Variants in BIRC3 observed in about 807,000 individuals in gnomAD.
BIRC3 encodes the protein baculoviral IAP repeat-containing protein 3.
Under a neutral mutation model 59.0 loss-of-function variants are expected in BIRC3, and 26 were observed. The observed-to-expected ratio is 0.44, with a 90% CI of 0.32 to 0.61. The LOEUF is 0.61. Ranked by LOEUF, BIRC3 falls within the 20% of genes least tolerant of loss-of-function variation. The probability of loss-of-function intolerance (pLI) is 0.04; values close to 1 mark genes in which losing one functional copy is unlikely to be tolerated. For synonymous variants in BIRC3, 243 were observed against 249.2 expected (o/e 0.98, Z 0.24); for missense variants, 641 against 711.5 (o/e 0.90, Z 1.13).
rs759538124 is a variant in BIRC3 at position 102,337,106 on chromosome 11, A to G, written c.*4A>G. The stretch of plus-strand genomic sequence containing the variant: ...AGTTCGTACATTTCTTTCATGAAGA[A>G]GAACCAAAACATCGTCTAAACTTTA... On this transcript the variant is annotated 3_prime_UTR_variant, in exon 9 of 9. Transcript: ENST00000263464. The G allele has an allele frequency of 3.4e-6, 5 of 1,489,256 alleles. No individual in the cohort carries two copies. Among genetic ancestry groups the G allele is most frequent in the Non-Finnish European group, 4.4e-6 (5 of 1,124,608 alleles). 92.3% of individuals were successfully genotyped at this position (1,489,256 alleles called of 1,614,324 possible).
intron 3 of BIRC3, among the ~76,000 whole-genome samples, chr11:102,327,647 A>T (rs569151156): frequency 6.6e-6 from 1 of 152,252 alleles, no homozygotes; most frequent in African/African-American, 2.4e-5. Flanking sequence ...CTAAAAAAAA[A>T]AAAATTAGCA....
Position 102,324,484 on chromosome 11 carries a change from C to T in BIRC3, c.-26C>T. 6.3e-7 allele frequency: 1 copy of T among 1,577,240 alleles called. No homozygotes were observed. Among genetic ancestry groups the T allele is most frequent in the Non-Finnish European group, 8.6e-7 (1 of 1,161,694 alleles). ...ACTACCTCCCTAGAGAAAGGCTAGT[C>T]CCTTTTCTTCCCCATTCATTTCATT... is the stretch of plus-strand genomic sequence containing the variant. On this transcript the variant is annotated 5_prime_UTR_variant, in exon 2 of 9. Transcript: ENST00000263464.
rs1951046914 is a variant in BIRC3 at position 102,323,066 on chromosome 11, T to TA, written c.-1438dup. 5.1e-6 allele frequency: 1 copy of TA among 197,816 alleles called. No individual in the cohort carries two copies. Among genetic ancestry groups the TA allele is most frequent in the Non-Finnish European group, 1.0e-5 (1 of 95,626 alleles). The allele number at this position is 197,816 out of a possible 1,614,324, so 12.3% of individuals were successfully genotyped here. On this transcript the variant is annotated 5_prime_UTR_variant, in exon 2 of 9. Transcript: ENST00000263464. ...GGCATCTGGTAACTTTTGACTGTTTTAAAAAATAAATCCACTATCAGAGTA... is the reference window on the plus strand; with the variant it reads ...GGCATCTGGTAACTTTTGACTGTTTTAAAAAAATAAATCCACTATCAGAGTA...
At chr11:102,328,640 C>T (rs892448349) in intron 4 of BIRC3, among the ~76,000 whole-genome samples, 5 of 151,978 alleles carry the variant, frequency 3.3e-5, no homozygotes, top group African/African-American at 9.7e-5. Flanking sequence ...AGATATAGTC[C>T]GTTTCCTGCC....
chr11:102,318,505 A>C (rs1346633576), intron 1 of BIRC3, among the ~76,000 whole-genome samples: 3 of 152,230 alleles, frequency 2.0e-5, no homozygotes, highest in African/African-American at 7.2e-5. Flanking sequence ...AGATGCTATG[A>C]GTGGGAGGGC....
rs1951045973 is a variant in BIRC3, at chr11:102,322,944, G to A, written c.-1566G>A. 1.5e-5 allele frequency: 3 copies of A among 202,282 alleles called. No homozygotes were observed. Among genetic ancestry groups the A allele is most frequent in the Admixed American group, 1.2e-4 (2 of 16,752 alleles). The allele number at this position is 202,282 out of a possible 1,614,324, so 12.5% of individuals were successfully genotyped here. Reference sequence around the variant, plus strand: ...AAATGGTAAATTTATTATTTTTTTTGTCATGATAAATTCTGGTTCAAGGTA... The same window carrying A: ...AAATGGTAAATTTATTATTTTTTTTATCATGATAAATTCTGGTTCAAGGTA... On this transcript the variant is annotated 5_prime_UTR_variant, in exon 2 of 9. Transcript: ENST00000263464.
intron 1 of BIRC3, among the ~76,000 whole-genome samples, chr11:102,317,884 C>T (rs1950986925): frequency 1.3e-5 from 2 of 152,300 alleles, no homozygotes; most frequent in African/African-American, 2.4e-5. Context: ...TGGGCCTTTG[C>T]AGGTGCCAAA....
intron 3 of BIRC3, among the ~76,000 whole-genome samples, chr11:102,327,468 C>T (rs904338914): frequency 6.6e-6 from 1 of 151,860 alleles, no homozygotes; most frequent in African/African-American, 2.4e-5. Flanking sequence ...GGTAAAGCCC[C>T]ATCTCCACTA....
chr11:102,328,576 G>A (rs1236119192), intron 4 of BIRC3, among the ~76,000 whole-genome samples: 1 of 152,176 alleles, frequency 6.6e-6, no homozygotes, highest in Non-Finnish European at 1.5e-5. Context: ...ATGACCCAGG[G>A]TAGGTAAGAC....
Position 102,336,080 on chromosome 11 carries a change from A to G in BIRC3, c.1439A>G (p.Asp480Gly), listed in dbSNP as rs1483497360. Residue 480 changes from aspartate (D) to glycine (G), a missense_variant, in exon 7 of 9, where the codon GAT (aspartate) becomes GGT (glycine). By Grantham distance (94) the Asp-to-Gly change is moderately conservative (BLOSUM62 -1). This residue lies in a region of BIRC3 where 268 missense variants were observed against 255.7 expected (regional missense o/e 1.05). Coordinates refer to ENST00000263464, the MANE Select transcript of BIRC3 (RefSeq NM_001165.5). The stretch of plus-strand genomic sequence containing the variant: ...GGAATTATTAATGAACAAGAACATG[A>G]TGTTATTAAACAGAAGACACAGACG... ...TAGIINEQEH[D>G]VIKQKTQTSL... is the part of the protein sequence containing the mutation. 9 of 1,613,842 alleles carry G rather than the reference A, an allele frequency of 5.6e-6. No homozygotes were observed. Among genetic ancestry groups the G allele is most frequent in the Non-Finnish European group, 7.6e-6 (9 of 1,179,950 alleles).
At chr11:102,333,849 C>T (rs1951170122) in intron 6 of BIRC3, among the ~76,000 whole-genome samples, 1 of 151,842 alleles carries the variant, frequency 6.6e-6, no homozygotes. Context: ...GCCTGTAATC[C>T]TAACACCTTG....
Position 102,332,356 on chromosome 11 carries a change from C to T in BIRC3, c.1324+1115C>T, listed in dbSNP as rs17879666. On this transcript the variant is annotated intron_variant, in intron 6 of 8. Coordinates refer to ENST00000263464, the MANE Select transcript of BIRC3 (RefSeq NM_001165.5). ...GCTCTTACTGGAGACTTAAGGAAAA[C>T]GGAAGGGAATTATATCACAAATGTT... 1.2e-3 allele frequency among the ~76,000 whole-genome samples: 188 copies of T among 152,268 alleles called. 1 individual carries two copies. The highest frequency in any genetic ancestry group is 2.3e-3 in the Non-Finnish European group (157 of 68,016).
intron 4 of BIRC3, among the ~76,000 whole-genome samples, chr11:102,328,652 T>C (rs965909358): frequency 3.3e-5 from 5 of 152,152 alleles, no homozygotes; most frequent in South Asian, 2.1e-4. Flanking sequence ...TTTCCTGCCT[T>C]AATGAAAATG....
At chr11:102,333,388 C>T (rs1951164346) in intron 6 of BIRC3, among the ~76,000 whole-genome samples, 1 of 151,688 alleles carries the variant, frequency 6.6e-6, no homozygotes, top group African/African-American at 2.4e-5. Flanking sequence ...CATAGCAAAA[C>T]CCTGTCTGTA....
chr11:102,333,113 T>C (rs1461798123), intron 6 of BIRC3, among the ~76,000 whole-genome samples: 3 of 152,222 alleles, frequency 2.0e-5, no homozygotes, highest in Non-Finnish European at 2.9e-5. Context: ...CACCATTATA[T>C]ATATATCTCT....
intron 5 of BIRC3, among the ~76,000 whole-genome samples, chr11:102,330,297 G>A (rs551111004): frequency 1.3e-5 from 2 of 152,310 alleles, no homozygotes; most frequent in Non-Finnish European, 2.9e-5. Flanking sequence ...AGTAGGAGTT[G>A]CTAATAGATA....
chr11:102,327,771 A>G (rs1951099409), intron 3 of BIRC3, among the ~76,000 whole-genome samples: 2 of 152,206 alleles, frequency 1.3e-5, no homozygotes, highest in South Asian at 4.1e-4. Context: ...AAAAATTCAC[A>G]CAAAAAATTT....
chr11:102,325,054 C>G lies in BIRC3; in HGVS notation c.545C>G (p.Thr182Ser). Residue 182 changes from threonine (T) to serine (S), a missense_variant, in exon 2 of 9, where the codon ACT (threonine) becomes AGT (serine). Physicochemically the swap from Thr to Ser is moderately conservative, Grantham distance 58. Around this residue, in one of 4 missense-constraint regions of BIRC3, gnomAD observed 329 missense variants for 365.6 expected, o/e 0.90. Coordinates refer to ENST00000263464, the MANE Select transcript of BIRC3 (RefSeq NM_001165.5). ...CTTACTTTTCAGACATGGCCATTGA[C>G]TTTTCTGTCGCCAACAGATCTGGCA... ...RLLTFQTWPL[T>S]FLSPTDLAKA... is the part of the protein sequence containing the mutation. The G allele has an allele frequency of 1.9e-6, 3 of 1,614,196 alleles. No homozygotes were observed. The highest frequency in any genetic ancestry group is 1.3e-5 in the African/African-American group (1 of 75,044).
Position 102,325,064 on chromosome 11 carries a change from G to A in BIRC3, c.555G>A (p.Ser185=), listed in dbSNP as rs1250630759. 6.2e-6 allele frequency: 10 copies of A among 1,614,094 alleles called. No homozygotes were observed. The highest frequency in any genetic ancestry group is 2.2e-5 in the East Asian group (1 of 44,888). Reference sequence around the variant, plus strand: ...AGACATGGCCATTGACTTTTCTGTCGCCAACAGATCTGGCAAAAGCAGGCT... The same window carrying A: ...AGACATGGCCATTGACTTTTCTGTCACCAACAGATCTGGCAAAAGCAGGCT... ...TFQTWPLTFL[S]PTDLAKAGFY... The change falls in exon 2 of 9, where the codon TCG becomes TCA. Residue 185 remains serine (S), a synonymous_variant. Coordinates refer to ENST00000263464, the MANE Select transcript of BIRC3 (RefSeq NM_001165.5).
Sources: allele counts gnomAD v4.1 joint callset (sites outside exome capture counted in the v4.1 genomes callset), GRCh38; gene constraint gnomAD v4.1.1; regional missense constraint gnomAD v4.1.1; transcripts MANE v1.5; gene names NCBI Gene and HGNC (gene_info 2026-07-23, HGNC 2026-07-21).